Variants in ADGRB3 observed in about 807,000 individuals in gnomAD.
ADGRB3 encodes the protein brain-specific angiogenesis inhibitor 3.
A neutral mutation model predicts 193.4 loss-of-function variants in ADGRB3; 37 were observed. The observed-to-expected ratio is 0.19, with a 90% confidence interval of 0.15 to 0.25. The LOEUF (loss-of-function observed/expected upper bound fraction) is 0.25. ADGRB3 is among the 10% of genes least tolerant of loss of function. The pLI is 1.00. For missense variants in ADGRB3, 1,637 were observed against 1,852.9 expected, an observed-to-expected ratio of 0.88 and a Z score of 2.14; for synonymous variants, 690 against 644.2, an observed-to-expected ratio of 1.07 and a Z score of -1.08.
intron 13 of ADGRB3, among the ~76,000 whole-genome samples, chr6:69,030,956 T>TTTTCTTTTCTTTTCTTTTC (rs58901577): frequency 0.017 from 1,246 of 72,390 alleles, 239 homozygotes; most frequent in African/African-American, 0.055. Context: ...TTCTTTTCTT[T>TTTTCTTTTCTTTTCTTTTC]TTTTCTTTTC....
intron 10 of ADGRB3, among the ~76,000 whole-genome samples, chr6:68,976,947 T>A (rs1768766788): frequency 6.6e-6 from 1 of 150,388 alleles, no homozygotes; most frequent in Non-Finnish European, 1.5e-5. Flanking sequence ...TATAGAAAAA[T>A]ATATATTTTT....
intron 17 of ADGRB3, among the ~76,000 whole-genome samples, chr6:69,114,817 T>G (rs1773480749): frequency 6.6e-6 from 1 of 152,160 alleles, no homozygotes; most frequent in Non-Finnish European, 1.5e-5. Flanking sequence ...GATCAGAAAT[T>G]TATGCAGCCA....
At chr6:68,648,920 G>T (rs1389187461) in intron 3 of ADGRB3, among the ~76,000 whole-genome samples, 4 of 151,678 alleles carry the variant, frequency 2.6e-5, no homozygotes, top group Non-Finnish European at 4.4e-5. Context: ...TTTAAATAAA[G>T]ATTTCATAAA....
chr6:69,137,671 C>T (rs931241291), intron 17 of ADGRB3, among the ~76,000 whole-genome samples: 2 of 152,082 alleles, frequency 1.3e-5, no homozygotes, highest in African/African-American at 4.8e-5. Context: ...GTGGCTGGCT[C>T]CTGTAGTCCC....
At chr6:68,991,632 G>A (rs1769240870) in intron 10 of ADGRB3, among the ~76,000 whole-genome samples, 1 of 151,602 alleles carries the variant, frequency 6.6e-6, no homozygotes, top group Non-Finnish European at 1.5e-5. Context: ...TATTGAGGAA[G>A]AGCAAAAAGA....
intron 15 of ADGRB3, among the ~76,000 whole-genome samples, chr6:69,058,971 A>G (rs1437582772): frequency 1.3e-5 from 2 of 151,898 alleles, no homozygotes; most frequent in Non-Finnish European, 1.5e-5. Context: ...ATTCATCTAT[A>G]ATGTTATTCA....
At chr6:69,094,478 C>A (rs907242679) in intron 17 of ADGRB3, among the ~76,000 whole-genome samples, 1 of 152,144 alleles carries the variant, frequency 6.6e-6, no homozygotes, top group Non-Finnish European at 1.5e-5. Context: ...GACTAACACA[C>A]AAATGCTAAT....
intron 3 of ADGRB3, among the ~76,000 whole-genome samples, chr6:68,768,478 G>A (rs1766554891): frequency 6.6e-6 from 1 of 152,160 alleles, no homozygotes; most frequent in South Asian, 2.1e-4. Context: ...TGGGATAACA[G>A]GCTAGCCATA....
chr6:69,018,366 T>A, intron 12 of ADGRB3, 25 bp from the exon 13 acceptor site: 1 of 1,489,248 alleles, frequency 6.7e-7, no homozygotes, highest in Non-Finnish European at 9.3e-7. Flanking sequence ...TTTTTATTCC[T>A]TCTAACCTTT....
At chr6:68,814,473 A>G (rs1431653043) in intron 3 of ADGRB3, among the ~76,000 whole-genome samples, 2 of 152,150 alleles carry the variant, frequency 1.3e-5, no homozygotes, top group Non-Finnish European at 2.9e-5. Flanking sequence ...AGTAGACTGC[A>G]AAAAGTTTCT....
At chr6:69,007,579 G>A (rs999565421) in intron 11 of ADGRB3, among the ~76,000 whole-genome samples, 9 of 151,888 alleles carry the variant, frequency 5.9e-5, no homozygotes, top group Admixed American at 5.9e-4. Context: ...TCAGGTCTTT[G>A]TGTGGCTGTC....
intron 3 of ADGRB3, among the ~76,000 whole-genome samples, chr6:68,921,814 A>G (rs1032038042): frequency 2.0e-5 from 3 of 151,972 alleles, no homozygotes; most frequent in Non-Finnish European, 4.4e-5. Flanking sequence ...AACAAAAAAA[A>G]ATCTATTAAA....
intron 3 of ADGRB3, among the ~76,000 whole-genome samples, chr6:68,733,651 T>C (rs1370231913): frequency 1.5e-5 from 1 of 64,612 alleles, no homozygotes; most frequent in African/African-American, 7.2e-5. Flanking sequence ...ATACCAGAGC[T>C]GGGAAGGCTA....
chr6:69,119,030 G>A (rs901309959), intron 17 of ADGRB3, among the ~76,000 whole-genome samples: 4 of 152,000 alleles, frequency 2.6e-5, no homozygotes, highest in Non-Finnish European at 5.9e-5. Flanking sequence ...TGTTATAATG[G>A]TGCTTTACAT....
intron 13 of ADGRB3, among the ~76,000 whole-genome samples, chr6:69,018,845 C>A (rs1770175492): frequency 6.6e-6 from 1 of 151,900 alleles, no homozygotes; most frequent in Admixed American, 6.6e-5. Context: ...TGTGTATACA[C>A]ACTAGTAATT....
intron 10 of ADGRB3, among the ~76,000 whole-genome samples, chr6:68,977,045 A>T (rs941990506): frequency 2.7e-5 from 4 of 148,854 alleles, no homozygotes; most frequent in Admixed American, 6.7e-5. Flanking sequence ...TAGAAATATA[A>T]ATAAGATTTT....
intron 3 of ADGRB3, among the ~76,000 whole-genome samples, chr6:68,706,348 A>C (rs145949859): frequency 1.3e-5 from 2 of 152,322 alleles, no homozygotes; most frequent in African/African-American, 4.8e-5. Flanking sequence ...AATTTGCCAT[A>C]AAAGATATGG....
chr6:68,835,344 C>T (rs909728042), intron 3 of ADGRB3, among the ~76,000 whole-genome samples: 8 of 152,140 alleles, frequency 5.3e-5, no homozygotes, highest in Admixed American at 1.3e-4. Flanking sequence ...AGTAGTTGAT[C>T]GTCTTCTTTT....
intron 3 of ADGRB3, among the ~76,000 whole-genome samples, chr6:68,747,163 A>G (rs555156165): frequency 4.9e-4 from 75 of 152,348 alleles, no homozygotes; most frequent in African/African-American, 1.7e-3. Flanking sequence ...AATATGCCTT[A>G]GATATAAAAA....
Sources: gnomAD v4.1 joint callset for allele counts (sites outside exome capture counted in the v4.1 genomes callset) on GRCh38, gnomAD v4.1.1 for gene constraint, MANE v1.5 for transcripts, NCBI Gene and HGNC (gene_info 2026-07-23, HGNC 2026-07-21) for gene names.